The following PPP1R37 variants were observed in gnomAD, a reference collection of about 807,000 sequenced individuals.
PPP1R37 encodes the protein leucine rich repeat containing 68.
In PPP1R37, 21 loss-of-function variants were observed where a neutral mutation model predicts 61.0. The observed-to-expected ratio is 0.34, with a 90% confidence interval of 0.24 to 0.50. PPP1R37 has a LOEUF of 0.50. PPP1R37 is among the 20% of genes least tolerant of loss of function. The probability of loss-of-function intolerance (pLI) is 0.98; values close to 1 mark genes in which losing one functional copy is unlikely to be tolerated. For missense variants in PPP1R37, 910 were observed against 952.7 expected (o/e 0.96, Z 0.59); for synonymous variants, 443 against 433.5 (o/e 1.02, Z -0.27).
chr19:45,117,821 C>T (rs1968290040), intron 1 of PPP1R37, among the ~76,000 whole-genome samples: 1 of 152,212 alleles, frequency 6.6e-6, no homozygotes, highest in Admixed American at 6.5e-5. Flanking sequence ...TAGCACCTGG[C>T]AGGAGGCTGG....
chr19:45,136,255 A>G (rs1968537789), intron 1 of PPP1R37: 2 of 152,390 alleles, frequency 1.3e-5, no homozygotes, highest in African/African-American at 4.8e-5. Context: ...CAGAATCTGC[A>G]GTAACTTGAT....
intron 1 of PPP1R37, among the ~76,000 whole-genome samples, chr19:45,119,044 C>A (rs1460918174): frequency 6.6e-6 from 1 of 152,022 alleles, no homozygotes. Flanking sequence ...TGCTGGAGTG[C>A]AGTGGTGTGA....
intron 1 of PPP1R37, among the ~76,000 whole-genome samples, chr19:45,113,808 C>G (rs1426662246): frequency 6.6e-6 from 1 of 152,250 alleles, no homozygotes; most frequent in Non-Finnish European, 1.5e-5. Flanking sequence ...CAGGTCTTCA[C>G]TTCGGCACCA....
chr19:45,093,644 G>A (rs1257760115), intron 1 of PPP1R37, 117 bp downstream of exon 1: 2 of 696,406 alleles, frequency 2.9e-6, no homozygotes, highest in Non-Finnish European at 4.7e-6. Flanking sequence ...GGTGAATAAG[G>A]GGACAGTCGT....
chr19:45,134,870 G>A (rs543338657), intron 1 of PPP1R37, among the ~76,000 whole-genome samples: 1 of 152,292 alleles, frequency 6.6e-6, no homozygotes, highest in East Asian at 1.9e-4. Flanking sequence ...AGCTGAAGGT[G>A]TGGTCTGATT....
At chr19:45,111,513 T>A (rs1321962595) in intron 1 of PPP1R37, among the ~76,000 whole-genome samples, 1 of 152,172 alleles carries the variant, frequency 6.6e-6, no homozygotes, top group Non-Finnish European at 1.5e-5. Context: ...CGACCTCAGG[T>A]GATCCGCCTG....
chr19:45,093,343 G>T lies in PPP1R37; in HGVS notation c.18G>T (p.Gln6His). 6.7e-7 allele frequency: 1 copy of T among 1,490,550 alleles called. No individual in the cohort carries two copies. The highest frequency in any genetic ancestry group is 8.9e-7 in the Non-Finnish European group (1 of 1,124,726). The allele number at this position is 1,490,550 out of a possible 1,614,324, so 92.3% of individuals were successfully genotyped here. A position where few individuals can be genotyped will look rare whatever the true frequency, so the allele number is the denominator to read the frequency against. MEIAPQEAPPVPGADG... is the reference protein window; with the variant it reads MEIAPHEAPPVPGADG... ...CGGCGGCTATGGAGATCGCGCCGCAGGAGGCGCCGCCCGTGCCGGGCGCGG... is the reference window on the plus strand; with the variant it reads ...CGGCGGCTATGGAGATCGCGCCGCATGAGGCGCCGCCCGTGCCGGGCGCGG... Residue 6 changes from glutamine to histidine, a missense_variant, in exon 1 of 13, where the codon CAG becomes CAT. Transcript: ENST00000221462.
intron 1 of PPP1R37, among the ~76,000 whole-genome samples, chr19:45,102,721 A>AT (rs1420984387): frequency 1.3e-5 from 2 of 152,148 alleles, no homozygotes; most frequent in African/African-American, 2.4e-5. Flanking sequence ...TTGTGAAGCC[A>AT]TTTTGCCAGA....
intron 4 of PPP1R37, 74 bp from the exon 5 acceptor site, chr19:45,141,248 C>G: frequency 1.4e-6 from 2 of 1,456,590 alleles, no homozygotes; most frequent in Non-Finnish European, 1.8e-6. Flanking sequence ...TCGGTGGGGC[C>G]CGGTGTCAGG....
intron 1 of PPP1R37, among the ~76,000 whole-genome samples, chr19:45,124,573 G>A (rs930594297): frequency 2.6e-5 from 4 of 152,046 alleles, no homozygotes; most frequent in Non-Finnish European, 5.9e-5. Flanking sequence ...CATCATCTGT[G>A]TGCTCCTTCC....
rs189895922 is a variant in PPP1R37, at chr19:45,120,425, C to T, written c.203-18089C>T. Among the ~76,000 whole-genome samples the T allele has an allele frequency of 7.2e-5, 11 of 152,342 alleles. No homozygotes were observed. The East Asian group carries it at 2.1e-3, about 29-fold the overall frequency. On this transcript the variant is annotated intron_variant, in intron 1 of 12. Transcript: ENST00000221462. ...TCCCTGTTGGCTAAGAGAGCGCACA[C>T]TCATTCTCTGTGGCGGCAGGGCTCC...
At chr19:45,118,919 T>G (rs530346787) in intron 1 of PPP1R37, among the ~76,000 whole-genome samples, 1 of 151,704 alleles carries the variant, frequency 6.6e-6, no homozygotes, top group South Asian at 2.1e-4. Context: ...ACCTGCCGCC[T>G]CTGGGTTCCT....
At chr19:45,113,117 C>CT (rs1968222578) in intron 1 of PPP1R37, among the ~76,000 whole-genome samples, 1 of 152,216 alleles carries the variant, frequency 6.6e-6, no homozygotes, top group African/African-American at 2.4e-5. Flanking sequence ...GGATGTGCGG[C>CT]TGGCAGGGTC....
At chr19:45,143,334 C>T in intron 7 of PPP1R37, 187 bp from the exon 8 acceptor site, 1 of 539,152 alleles carries the variant, frequency 1.9e-6, no homozygotes, top group Non-Finnish European at 3.3e-6. Flanking sequence ...GTCATCCAGG[C>T]ACCCAGGCCC....
intron 1 of PPP1R37, among the ~76,000 whole-genome samples, chr19:45,127,867 A>G (rs538419211): frequency 1.3e-5 from 2 of 150,124 alleles, no homozygotes; most frequent in East Asian, 2.0e-4. Context: ...TCCATCTACT[A>G]GGGAGGCTGA....
intron 1 of PPP1R37, chr19:45,137,034 G>A (rs894329022): frequency 6.7e-6 from 1 of 150,104 alleles, no homozygotes; most frequent in Non-Finnish European, 1.5e-5. Context: ...ATTGGCAGCA[G>A]GGCGAGGGGC....
rs1181680874 is a variant in PPP1R37 at position 45,130,228 on chromosome 19, T to C, written c.203-8286T>C. 2.0e-5 allele frequency among the ~76,000 whole-genome samples: 3 copies of C among 152,140 alleles called. No homozygotes were observed. The highest frequency in any genetic ancestry group is 4.4e-5 in the Non-Finnish European group (3 of 68,006). On this transcript the variant is annotated intron_variant, in intron 1 of 12. Coordinates refer to ENST00000221462, the MANE Select transcript of PPP1R37 (RefSeq NM_019121.2). The surrounding 1 kb of genome is among the most constrained non-coding windows in gnomAD (Gnocchi z 4.4). The stretch of plus-strand genomic sequence containing the variant: ...GGTGTGCCATTCCTGACTGCCAACC[T>C]GCACGATCAGGTCCCCTCCCCGTGA...
At chr19:45,116,453 G>A (rs1968268432) in intron 1 of PPP1R37, among the ~76,000 whole-genome samples, 3 of 152,234 alleles carry the variant, frequency 2.0e-5, no homozygotes, top group Admixed American at 2.0e-4. Flanking sequence ...GCTGAATGGT[G>A]GTGCCTCCCT....
chr19:45,106,038 C>T (rs1968125694), intron 1 of PPP1R37, among the ~76,000 whole-genome samples: 1 of 152,148 alleles, frequency 6.6e-6, no homozygotes, highest in Non-Finnish European at 1.5e-5. Context: ...GACTGAATGT[C>T]CTCCCACCAG....
Sources: allele counts gnomAD v4.1 joint callset (sites outside exome capture counted in the v4.1 genomes callset), GRCh38; gene constraint gnomAD v4.1.1; non-coding constraint Gnocchi (gnomAD v3.1); transcripts MANE v1.5; gene names NCBI Gene and HGNC (gene_info 2026-07-23, HGNC 2026-07-21).